ELP4: variants seen among roughly 807,000 people sequenced by gnomAD.
ELP4 encodes the protein elongator complex protein 4.
A neutral mutation model predicts 48.9 loss-of-function variants in ELP4; 51 were observed. The ratio of observed to expected loss-of-function variants is 1.04; its 90% confidence interval spans 0.83 to 1.32. ELP4 has a LOEUF of 1.32. ELP4 is among the 40% of genes most tolerant of loss of function. The pLI, the probability that ELP4 is intolerant of heterozygous loss-of-function variation, is 0.00. For missense variants in ELP4, 519 were observed against 514.6 expected, an observed-to-expected ratio of 1.01 and a Z score of -0.08; for synonymous variants, 210 against 189.2, an observed-to-expected ratio of 1.11 and a Z score of -0.90.
At chr11:31,555,724 C>G (rs750474722) in intron 3 of ELP4, among the ~76,000 whole-genome samples, 2 of 151,694 alleles carry the variant, frequency 1.3e-5, no homozygotes, top group Non-Finnish European at 3.0e-5. Context: ...GAAGAATAAA[C>G]AAAATATTTT....
chr11:31,724,263 C>T (rs79722019), intron 9 of ELP4, among the ~76,000 whole-genome samples: 238 of 152,308 alleles, frequency 1.6e-3, no homozygotes, highest in Middle Eastern at 3.4e-3. Flanking sequence ...GGCGTGTCAA[C>T]CAACATCTTA....
At chr11:31,590,897 C>G (rs1021790606) in intron 3 of ELP4, among the ~76,000 whole-genome samples, 2 of 152,130 alleles carry the variant, frequency 1.3e-5, no homozygotes, top group Non-Finnish European at 2.9e-5. Flanking sequence ...GTCCCACCTC[C>G]AACAATGGGG....
chr11:31,591,355 G>A (rs1021819274), intron 3 of ELP4, among the ~76,000 whole-genome samples: 2 of 133,000 alleles, frequency 1.5e-5, no homozygotes, highest in African/African-American at 2.8e-5. Flanking sequence ...GCAGTGAGCC[G>A]AGATGGCACT....
chr11:31,528,830 T>C (rs929506978), intron 2 of ELP4, among the ~76,000 whole-genome samples: 1 of 152,140 alleles, frequency 6.6e-6, no homozygotes, highest in Admixed American at 6.6e-5. Context: ...TTCAACCTAA[T>C]AGAAAGTTGG....
intron 3 of ELP4, among the ~76,000 whole-genome samples, chr11:31,547,129 T>TA (rs1415545449): frequency 6.6e-6 from 1 of 151,844 alleles, no homozygotes; most frequent in Non-Finnish European, 1.5e-5. Context: ...AAGAAATAAC[T>TA]AAAATCAGAG....
chr11:31,517,152 T>C (rs1407960464), intron 1 of ELP4, among the ~76,000 whole-genome samples: 1 of 152,158 alleles, frequency 6.6e-6, no homozygotes, highest in Non-Finnish European at 1.5e-5. Context: ...TAGTTATGCT[T>C]TTTTGCAAGG....
intron 3 of ELP4, among the ~76,000 whole-genome samples, chr11:31,564,627 T>C (rs1015895528): frequency 1.3e-5 from 2 of 152,104 alleles, no homozygotes; most frequent in East Asian, 3.8e-4. Context: ...GAAAATGCGG[T>C]GTTTGGCTTT....
At position 31,642,596 on chromosome 11, in the gene ELP4, G is replaced by C. The variant is rs774387471; in HGVS notation, c.928-5145G>C. Among the ~76,000 whole-genome samples the C allele has an allele frequency of 1.1e-4, 16 of 151,722 alleles. 1 individual carries two copies. The highest frequency in any genetic ancestry group is 1.6e-4 in the Non-Finnish European group (11 of 67,828). On this transcript the variant is annotated intron_variant, in intron 7 of 9. Transcript: ENST00000640961. Reference sequence around the variant, plus strand: ...ATGTGAATATTACTATATGATGCTAGGCAGATAATGTTACATTTAGAATTT... The same window carrying C: ...ATGTGAATATTACTATATGATGCTACGCAGATAATGTTACATTTAGAATTT...
intron 9 of ELP4, among the ~76,000 whole-genome samples, chr11:31,670,362 A>G (rs748803748): frequency 4.1e-4 from 62 of 152,162 alleles, no homozygotes; most frequent in Non-Finnish European, 2.5e-4. Flanking sequence ...TTCCTAGTCA[A>G]TTGACATTTA....
intron 3 of ELP4, among the ~76,000 whole-genome samples, chr11:31,564,427 C>T (rs1457001964): frequency 6.6e-6 from 1 of 150,722 alleles, no homozygotes; most frequent in Non-Finnish European, 1.5e-5. Flanking sequence ...ATGCACACAA[C>T]GTGCAGGTTT....
chr11:31,749,390 C>T (rs1044771232), intron 9 of ELP4, among the ~76,000 whole-genome samples: 2 of 152,120 alleles, frequency 1.3e-5, no homozygotes, highest in African/African-American at 2.4e-5. Flanking sequence ...ATAGAGAGTA[C>T]GGAAAAACTG....
chr11:31,726,995 A>G (rs1420170506), intron 9 of ELP4, among the ~76,000 whole-genome samples: 2 of 152,174 alleles, frequency 1.3e-5, no homozygotes, highest in Admixed American at 6.5e-5. Context: ...CATTTTCAAA[A>G]TGAAATATAT....
chr11:31,532,992 T>G (rs866443005), intron 2 of ELP4, among the ~76,000 whole-genome samples: 1 of 152,082 alleles, frequency 6.6e-6, no homozygotes, highest in South Asian at 2.1e-4. Context: ...GTCAGGATGG[T>G]CTCAAACTCC....
intron 3 of ELP4, among the ~76,000 whole-genome samples, chr11:31,583,546 G>A (rs1385025261): frequency 6.6e-6 from 1 of 152,108 alleles, no homozygotes; most frequent in African/African-American, 2.4e-5. Context: ...AAGATGTGGT[G>A]AGCTATGATT....
intron 5 of ELP4, among the ~76,000 whole-genome samples, chr11:31,610,686 G>A (rs1957963186): frequency 6.6e-6 from 1 of 152,216 alleles, no homozygotes; most frequent in African/African-American, 2.4e-5. Flanking sequence ...CTGCTTGCTT[G>A]CATGTTTGCC....
chr11:31,780,481 T>G (rs1234180370), intron 9 of ELP4, among the ~76,000 whole-genome samples: 1 of 152,238 alleles, frequency 6.6e-6, no homozygotes, highest in Non-Finnish European at 1.5e-5. Context: ...AGAGCCATCC[T>G]TGGGCATTTT....
intron 9 of ELP4, 29 bp downstream of exon 9, chr11:31,650,250 A>G: frequency 1.4e-6 from 1 of 726,244 alleles, no homozygotes; most frequent in South Asian, 1.9e-5. Context: ...TTTAGTTTAC[A>G]ATCTTGAGAT....
At chr11:31,540,519 C>T (rs1047016546) in intron 3 of ELP4, among the ~76,000 whole-genome samples, 1 of 152,122 alleles carries the variant, frequency 6.6e-6, no homozygotes, top group Non-Finnish European at 1.5e-5. Context: ...TGAGGTCTCA[C>T]TATGTTGCCA....
chr11:31,606,746 G>C (rs1957883070), intron 5 of ELP4, among the ~76,000 whole-genome samples: 1 of 152,126 alleles, frequency 6.6e-6, no homozygotes, highest in African/African-American at 2.4e-5. Flanking sequence ...CTTTGACTTT[G>C]TTTTCAGTTA....
Sources: allele counts gnomAD v4.1 joint callset (sites outside exome capture counted in the v4.1 genomes callset), GRCh38; gene constraint gnomAD v4.1.1; transcripts MANE v1.5; gene names NCBI Gene and HGNC (gene_info 2026-07-23, HGNC 2026-07-21).